The following STEAP4 variants were observed in gnomAD, a reference collection of about 807,000 sequenced individuals.
The protein encoded by STEAP4 is STEAP4 metalloreductase, also known as metalloreductase STEAP4.
STEAP4 carries 36 observed loss-of-function variants against 43.6 expected under a neutral mutation model. The ratio of observed to expected loss-of-function variants is 0.83; its 90% CI spans 0.63 to 1.09. STEAP4 has a LOEUF of 1.09. Among genes scored for constraint, STEAP4 ranks in the 50% least tolerant of loss-of-function variants. The probability of loss-of-function intolerance (pLI) is 0.00; values close to 1 mark genes in which losing one functional copy is unlikely to be tolerated. For missense variants in STEAP4, 495 were observed against 546.5 expected (o/e 0.91, Z 0.94); for synonymous variants, 191 against 196.7 (o/e 0.97, Z 0.24).
intron 1 of STEAP4, among the ~76,000 whole-genome samples, chr7:88,293,839 C>T (rs558940243): frequency 6.6e-6 from 1 of 152,070 alleles, no homozygotes; most frequent in South Asian, 2.1e-4. Flanking sequence ...ATGGCTGTAG[C>T]TTTATAATAA....
rs1220420438 is a variant in STEAP4 at position 88,271,491 on chromosome 7, T to C, written c.*7907A>G. ...ATATATGTGAAAGAAGGTGTCTTGG[T>C]TTGTTTTAAACAGCTGCATAGAATT... On this transcript the variant is annotated 3_prime_UTR_variant, in exon 5 of 5. Transcript: ENST00000380079. 6.6e-6 allele frequency: 1 copy of C among 152,248 alleles called. No homozygotes were observed. Among genetic ancestry groups the C allele is most frequent in the East Asian group, 1.9e-4 (1 of 5,196 alleles). 9.4% of individuals were successfully genotyped at this position (152,248 alleles called of 1,614,324 possible).
rs1852463407 is a variant in STEAP4 at position 88,273,236 on chromosome 7, A to G, written c.*6162T>C. 4 of 152,242 alleles carry G rather than the reference A, an allele frequency of 2.6e-5. No individual in the cohort carries two copies. In the South Asian group the frequency reaches 8.3e-4, roughly 31 times the overall value. 9.4% of individuals were successfully genotyped at this position (152,242 alleles called of 1,614,324 possible). On this transcript the variant is annotated 3_prime_UTR_variant, in exon 5 of 5. Transcript: ENST00000380079. ...TATTTTGCTGTAATGAAATGAGAAC[A>G]GGAAGTCTGTCATTCTTTTTCATCT...
chr7:88,271,298 T>C lies in STEAP4; in HGVS notation c.*8100A>G, dbSNP rs530493060. The C allele has an allele frequency of 6.6e-6, 1 of 152,352 alleles. No individual in the cohort carries two copies. Among genetic ancestry groups the C allele is most frequent in the African/African-American group, 2.4e-5 (1 of 41,588 alleles). 9.4% of individuals were successfully genotyped at this position (152,352 alleles called of 1,614,324 possible). On this transcript the variant is annotated 3_prime_UTR_variant, in exon 5 of 5. Transcript: ENST00000380079. ...AAAAGGTCTACAGTGCTTCTACTCC[T>C]GTCACTACTCCTCTGTTCTCCCATC...
Position 88,288,668 on chromosome 7 carries a change from C to T in STEAP4, c.-2-4397G>A, listed in dbSNP as rs12669333. On this transcript the variant is annotated intron_variant, in intron 1 of 4. Transcript: ENST00000380079. ...GCAATGTCATAATGAAGATAATCAACGAACTGGAAAAAATATTTTTCAACT... is the reference window on the plus strand; with the variant it reads ...GCAATGTCATAATGAAGATAATCAATGAACTGGAAAAAATATTTTTCAACT... 2.4e-4 allele frequency among the ~76,000 whole-genome samples: 37 copies of T among 151,950 alleles called. No homozygotes were observed. In the South Asian group the frequency reaches 6.2e-3, roughly 26 times the overall value.
chr7:88,301,866 G>A (rs974390686), intron 1 of STEAP4, among the ~76,000 whole-genome samples: 2 of 152,176 alleles, frequency 1.3e-5, no homozygotes, highest in East Asian at 1.9e-4. Flanking sequence ...GTGAGCCGCC[G>A]TGTTTGGCCC....
chr7:88,273,746 C>T lies in STEAP4; in HGVS notation c.*5652G>A, dbSNP rs1215140898. ...TCCTCAGGTCTGGGGATTTTACCTC[C>T]CTCCACCAGAACAAAGCTCCCTTTA... On this transcript the variant is annotated 3_prime_UTR_variant, in exon 5 of 5. Transcript: ENST00000380079. The T allele has an allele frequency of 6.6e-6, 1 of 152,154 alleles. No homozygotes were observed. Among genetic ancestry groups the T allele is most frequent in the African/African-American group, 2.4e-5 (1 of 41,430 alleles). 9.4% of individuals were successfully genotyped at this position (152,154 alleles called of 1,614,324 possible).
intron 1 of STEAP4, among the ~76,000 whole-genome samples, chr7:88,299,372 C>T (rs1223947892): frequency 6.6e-6 from 1 of 152,212 alleles, no homozygotes; most frequent in Non-Finnish European, 1.5e-5. Context: ...CTCATGACAA[C>T]AAGGTCAGGG....
chr7:88,282,543 G>A (rs552280956), intron 3 of STEAP4, 98 bp downstream of exon 3: 3 of 1,149,042 alleles, frequency 2.6e-6, no homozygotes, highest in East Asian at 2.5e-5. Flanking sequence ...AAAAGAAGAT[G>A]CTTAGAAGAG....
intron 1 of STEAP4, among the ~76,000 whole-genome samples, chr7:88,299,101 T>G (rs893152712): frequency 6.6e-6 from 1 of 152,212 alleles, no homozygotes; most frequent in African/African-American, 2.4e-5. Flanking sequence ...CTATAAATTA[T>G]GAGGAAAGTG....
intron 2 of STEAP4, 96 bp downstream of exon 2, chr7:88,283,718 C>T (rs1175722791): frequency 1.4e-5 from 18 of 1,269,220 alleles, no homozygotes; most frequent in Non-Finnish European, 1.8e-5. Flanking sequence ...ATTTAGTGGG[C>T]ATTTCATCTT....
chr7:88,297,109 T>C (rs955719057), intron 1 of STEAP4, among the ~76,000 whole-genome samples: 2 of 152,210 alleles, frequency 1.3e-5, no homozygotes, highest in Non-Finnish European at 2.9e-5. Context: ...ATATACACAT[T>C]AACACCTTCC....
At chr7:88,287,543 G>A (rs1852757539) in intron 1 of STEAP4, among the ~76,000 whole-genome samples, 1 of 152,174 alleles carries the variant, frequency 6.6e-6, no homozygotes, top group African/African-American at 2.4e-5. Context: ...ACGAAGATCA[G>A]AGTTCTTAAA....
intron 1 of STEAP4, among the ~76,000 whole-genome samples, chr7:88,299,325 G>C: frequency 6.6e-6 from 1 of 152,186 alleles, no homozygotes; most frequent in East Asian, 1.9e-4. Context: ...ATTATCTGCT[G>C]TCCAAGCTGG....
At position 88,282,404 on chromosome 7, in the gene STEAP4, C is replaced by A. The variant is rs563155298; in HGVS notation, c.984+237G>T. On this transcript the variant is annotated intron_variant, in intron 3 of 4. Transcript: ENST00000380079. ...CCACATGATTCACCTGCCTCGGAAT[C>A]CCAAAGTGCTGGGATTATGGGAGTG... 4.3e-4 allele frequency: 224 copies of A among 515,586 alleles called. 1 individual carries two copies. The South Asian group carries it at 5.2e-3, about 12-fold the overall frequency. The allele number at this position is 515,586 out of a possible 1,614,324, so 31.9% of individuals were successfully genotyped here.
intron 1 of STEAP4, among the ~76,000 whole-genome samples, chr7:88,284,880 C>T (rs1168892082): frequency 6.6e-6 from 1 of 151,958 alleles, no homozygotes; most frequent in African/African-American, 2.4e-5. Context: ...TAGATATTTC[C>T]TTAACATATA....
chr7:88,299,122 G>C (rs1418996651), intron 1 of STEAP4, among the ~76,000 whole-genome samples: 1 of 152,168 alleles, frequency 6.6e-6, no homozygotes, highest in African/African-American at 2.4e-5. Flanking sequence ...AGGTAATAGA[G>C]ATCTATGTTA....
At chr7:88,303,218 G>A (rs1057256168) in intron 1 of STEAP4, among the ~76,000 whole-genome samples, 6 of 138,696 alleles carry the variant, frequency 4.3e-5, no homozygotes, top group African/African-American at 1.3e-4. Context: ...AACTCCAACC[G>A]GGCGCGGTGG....
rs915151435 is a variant in STEAP4, at chr7:88,274,986, C to T, written c.*4412G>A. 2.0e-5 allele frequency: 3 copies of T among 152,282 alleles called. No individual in the cohort carries two copies. The highest frequency in any genetic ancestry group is 1.9e-4 in the East Asian group (1 of 5,202). The allele number at this position is 152,282 out of a possible 1,614,324, so 9.4% of individuals were successfully genotyped here. ...GCTTCTTTATTGCATCCTGTTTTATCAGCAAGGTCTTTGTGACCTGTACCT... is the reference window on the plus strand; with the variant it reads ...GCTTCTTTATTGCATCCTGTTTTATTAGCAAGGTCTTTGTGACCTGTACCT... On this transcript the variant is annotated 3_prime_UTR_variant, in exon 5 of 5. Coordinates refer to ENST00000380079, the MANE Select transcript of STEAP4 (RefSeq NM_024636.4).
chr7:88,299,629 G>A (rs1414011206), intron 1 of STEAP4, among the ~76,000 whole-genome samples: 1 of 152,200 alleles, frequency 6.6e-6, no homozygotes, highest in Non-Finnish European at 1.5e-5. Flanking sequence ...GTGTTCATTA[G>A]TGGGTTTTGC....
Sources: gnomAD v4.1 joint callset for allele counts (sites outside exome capture counted in the v4.1 genomes callset) on GRCh38, gnomAD v4.1.1 for gene constraint, MANE v1.5 for transcripts, NCBI Gene and HGNC (gene_info 2026-07-23, HGNC 2026-07-21) for gene names.